SDK1: variants seen among roughly 807,000 people sequenced by gnomAD.
SDK1 encodes the protein sidekick cell adhesion molecule 1.
A neutral mutation model predicts 245.5 loss-of-function variants in SDK1; 157 were observed. The ratio of observed to expected loss-of-function variants is 0.64; its 90% CI spans 0.56 to 0.73. SDK1 has a LOEUF of 0.73. SDK1 is among the 30% of genes least tolerant of loss of function. The pLI is 0.00. For missense variants in SDK1, 3,583 were observed against 3,002.3 expected, an observed-to-expected ratio of 1.19 and a Z score of -4.52; for synonymous variants, 1,647 against 1,278.5, an observed-to-expected ratio of 1.29 and a Z score of -6.15.
At chr7:3,576,855 A>G (rs530743413) in intron 1 of SDK1, among the ~76,000 whole-genome samples, 2 of 152,168 alleles carry the variant, frequency 1.3e-5, no homozygotes, top group South Asian at 4.1e-4. Flanking sequence ...GCAAAGCAGA[A>G]GTTGGTTACT....
intron 20 of SDK1, among the ~76,000 whole-genome samples, chr7:4,072,178 T>C (rs1584022920): frequency 1.3e-5 from 2 of 152,188 alleles, no homozygotes; most frequent in African/African-American, 2.4e-5. Context: ...ATGGTGGAGC[T>C]TGACTTCGAA....
At chr7:4,032,068 G>T (rs1043664464) in intron 17 of SDK1, among the ~76,000 whole-genome samples, 4 of 150,778 alleles carry the variant, frequency 2.7e-5, no homozygotes, top group Non-Finnish European at 5.9e-5. Flanking sequence ...TAGATCGATC[G>T]ATCGATCATG....
At position 4,205,861 on chromosome 7, in the gene SDK1, G is replaced by C; in HGVS notation, c.5099-18G>C. The C allele has an allele frequency of 6.5e-7, 1 of 1,542,182 alleles. No homozygotes were observed. Among genetic ancestry groups the C allele is most frequent in the Non-Finnish European group, 8.8e-7 (1 of 1,138,752 alleles). ...TGAATGAACGTCTCAGCTTCTCTCC[G>C]CATTGCTCTTTCCTCAGCCCCGGCC... On this transcript the variant is annotated intron_variant, in intron 35 of 44. Coordinates refer to ENST00000404826, the MANE Select transcript of SDK1 (RefSeq NM_152744.4).
intron 25 of SDK1, among the ~76,000 whole-genome samples, chr7:4,121,270 G>T (rs1394110523): frequency 6.6e-6 from 1 of 152,192 alleles, no homozygotes; most frequent in Middle Eastern, 3.4e-3. Context: ...ATTGTAGCAT[G>T]TATGGTGATA....
At chr7:3,694,754 C>T (rs1343260295) in intron 4 of SDK1, among the ~76,000 whole-genome samples, 1 of 152,080 alleles carries the variant, frequency 6.6e-6, no homozygotes, top group Non-Finnish European at 1.5e-5. Context: ...GCCCAGGAAC[C>T]TACGTTTTTA....
chr7:3,682,144 C>G (rs894111100), intron 4 of SDK1, among the ~76,000 whole-genome samples: 14 of 152,128 alleles, frequency 9.2e-5, no homozygotes, highest in Non-Finnish European at 1.5e-4. Flanking sequence ...TCAGCATTTA[C>G]AAAAATGGTT....
intron 1 of SDK1, among the ~76,000 whole-genome samples, chr7:3,457,171 G>A (rs375507987): frequency 2.6e-5 from 4 of 152,160 alleles, no homozygotes; most frequent in East Asian, 1.9e-4. Context: ...TGTTTGGTCC[G>A]GGCAAGGAGT....
intron 1 of SDK1, among the ~76,000 whole-genome samples, chr7:3,509,832 T>C (rs1327715642): frequency 3.9e-5 from 6 of 152,292 alleles, no homozygotes; most frequent in Admixed American, 3.3e-4. Context: ...ACTTAGAGTC[T>C]AAATTATAGA....
chr7:3,585,484 G>C (rs1302722327), intron 1 of SDK1, among the ~76,000 whole-genome samples: 1 of 152,224 alleles, frequency 6.6e-6, no homozygotes, highest in Non-Finnish European at 1.5e-5. Context: ...GAAAGAGAGA[G>C]AAGGAGGCGC....
intron 5 of SDK1, among the ~76,000 whole-genome samples, chr7:3,949,329 C>T (rs147188150): frequency 9.2e-5 from 14 of 152,344 alleles, no homozygotes; most frequent in African/African-American, 2.6e-4. Context: ...AATTCACATG[C>T]ACGTTTAATA....
chr7:3,743,982 T>C (rs569753429), intron 4 of SDK1, among the ~76,000 whole-genome samples: 95 of 152,302 alleles, frequency 6.2e-4, no homozygotes, highest in African/African-American at 2.1e-3. Flanking sequence ...TAAGACACTA[T>C]TAATCAACAG....
intron 1 of SDK1, among the ~76,000 whole-genome samples, chr7:3,429,659 C>T (rs1326065705): frequency 1.3e-5 from 2 of 150,566 alleles, no homozygotes; most frequent in African/African-American, 4.9e-5. Flanking sequence ...TGCAGTGGCA[C>T]AATCTCAGTT....
At chr7:3,956,573 C>T in intron 7 of SDK1, among the ~76,000 whole-genome samples, 1 of 152,246 alleles carries the variant, frequency 6.6e-6, no homozygotes, top group East Asian at 1.9e-4. Context: ...CCACAATGAA[C>T]AGCCAGATGT....
chr7:3,849,741 A>G (rs1369899759), intron 5 of SDK1, among the ~76,000 whole-genome samples: 1 of 152,200 alleles, frequency 6.6e-6, no homozygotes, highest in East Asian at 1.9e-4. Flanking sequence ...CCTGTGTTAC[A>G]ACAAGTAGTC....
chr7:3,928,497 A>G (rs1779855692), intron 5 of SDK1, among the ~76,000 whole-genome samples: 1 of 152,240 alleles, frequency 6.6e-6, no homozygotes, highest in Non-Finnish European at 1.5e-5. Context: ...AGGTCAAAAA[A>G]ATATGAAATT....
At chr7:3,330,002 G>T (rs1480354355) in intron 1 of SDK1, among the ~76,000 whole-genome samples, 1 of 152,166 alleles carries the variant, frequency 6.6e-6, no homozygotes, top group Non-Finnish European at 1.5e-5. Flanking sequence ...GAACCAATCC[G>T]CTATGGATAC....
At chr7:3,711,394 G>A (rs192510871) in intron 4 of SDK1, among the ~76,000 whole-genome samples, 9 of 152,308 alleles carry the variant, frequency 5.9e-5, no homozygotes, top group Admixed American at 1.3e-4. Context: ...ACCTGGGAGA[G>A]ACAGGTAGTT....
chr7:3,881,869 G>A (rs1313814380), intron 5 of SDK1, among the ~76,000 whole-genome samples: 2 of 152,156 alleles, frequency 1.3e-5, no homozygotes, highest in African/African-American at 4.8e-5. Context: ...CACATTGAGG[G>A]ATGGGCTACG....
At position 3,773,121 on chromosome 7, in the gene SDK1, A is replaced by G. The variant is rs1204249889; in HGVS notation, c.714-48329A>G. Among the ~76,000 whole-genome samples, 9 of 152,130 alleles carry G rather than the reference A, an allele frequency of 5.9e-5. No homozygotes were observed. In the East Asian group the frequency reaches 1.5e-3, roughly 26 times the overall value. On this transcript the variant is annotated intron_variant, in intron 4 of 44. Transcript: ENST00000404826. ...GAAGTTTTCAGCCCTTATTTCTTCA[A>G]GTATACTTTCTGTTCTTTCTCCCTC...
Sources: allele counts gnomAD v4.1 joint callset (sites outside exome capture counted in the v4.1 genomes callset), GRCh38; gene constraint gnomAD v4.1.1; transcripts MANE v1.5; gene names NCBI Gene and HGNC (gene_info 2026-07-23, HGNC 2026-07-21).